Variants in NKAIN3 observed in about 807,000 individuals in gnomAD.
NKAIN3 encodes sodium/potassium-transporting ATPase subunit beta-1-interacting protein 3.
Under a neutral mutation model 30.2 loss-of-function variants are expected in NKAIN3, and 25 were observed. The ratio of observed to expected loss-of-function variants is 0.83; its 90% CI spans 0.60 to 1.16. The LOEUF (loss-of-function observed/expected upper bound fraction) is 1.16, where lower values mean the gene tolerates loss of function less well. Ranked by LOEUF, NKAIN3 falls within the 50% of genes most tolerant of loss-of-function variation. The pLI is 0.00. For synonymous variants in NKAIN3, 91 were observed against 89.6 expected (o/e 1.02, Z -0.09); for missense variants, 225 against 254.1 (o/e 0.89, Z 0.78).
chr8:62,394,912 G>T (rs1817695129), intron 1 of NKAIN3, among the ~76,000 whole-genome samples: 1 of 147,980 alleles, frequency 6.8e-6, no homozygotes, highest in Non-Finnish European at 1.5e-5. Flanking sequence ...GCGGCGGCTG[G>T]ACAGAGGCGC....
chr8:62,299,337 A>G (rs1327487151), intron 1 of NKAIN3, among the ~76,000 whole-genome samples: 1 of 152,108 alleles, frequency 6.6e-6, no homozygotes, highest in African/African-American at 2.4e-5. Context: ...AGATGAAAGC[A>G]CTGTCATGGG....
intron 6 of NKAIN3, among the ~76,000 whole-genome samples, chr8:62,963,675 A>G (rs1156848837): frequency 3.3e-5 from 5 of 152,178 alleles, no homozygotes; most frequent in African/African-American, 1.2e-4. Context: ...TTTAGTTTAA[A>G]TCCCTGTTAA....
At chr8:62,918,665 A>C (rs1250531381) in intron 5 of NKAIN3, among the ~76,000 whole-genome samples, 152 bp downstream of exon 5, 3 of 152,220 alleles carry the variant, frequency 2.0e-5, no homozygotes, top group Non-Finnish European at 2.9e-5. Flanking sequence ...AAAAGTTGAC[A>C]GACTGAATTG....
chr8:62,453,293 A>G (rs1805709173), intron 1 of NKAIN3, among the ~76,000 whole-genome samples: 3 of 152,208 alleles, frequency 2.0e-5, no homozygotes. Flanking sequence ...CTGGGTAAAC[A>G]ATGAAATTAA....
At chr8:62,488,797 G>T (rs2129601450) in intron 1 of NKAIN3, among the ~76,000 whole-genome samples, 1 of 152,248 alleles carries the variant, frequency 6.6e-6, no homozygotes, top group African/African-American at 2.4e-5. Context: ...AGATGCTGAG[G>T]AATAACTGTG....
At chr8:62,684,506 C>T (rs1314245167) in intron 3 of NKAIN3, among the ~76,000 whole-genome samples, 1 of 152,142 alleles carries the variant, frequency 6.6e-6, no homozygotes, top group African/African-American at 2.4e-5. Context: ...GGATGTAAAG[C>T]CATGCTGCTG....
intron 3 of NKAIN3, among the ~76,000 whole-genome samples, chr8:62,740,176 A>C (rs1471286186): frequency 6.6e-6 from 1 of 152,206 alleles, no homozygotes; most frequent in South Asian, 2.1e-4. Context: ...AATTAGAAAA[A>C]TAAGACATTT....
intron 1 of NKAIN3, among the ~76,000 whole-genome samples, chr8:62,577,060 GT>G (rs1810134173): frequency 6.6e-6 from 1 of 152,030 alleles, no homozygotes; most frequent in Non-Finnish European, 1.5e-5. Context: ...AAGGCTTGTT[GT>G]TTTTAGTTAC....
At chr8:62,783,844 C>T (rs897007724) in intron 4 of NKAIN3, among the ~76,000 whole-genome samples, 1 of 151,754 alleles carries the variant, frequency 6.6e-6, no homozygotes, top group Non-Finnish European at 1.5e-5. Context: ...TTTGTTTCAC[C>T]ATGTTGCCCA....
chr8:62,627,503 T>G (rs1811827922), intron 3 of NKAIN3, among the ~76,000 whole-genome samples: 1 of 152,056 alleles, frequency 6.6e-6, no homozygotes, highest in South Asian at 2.1e-4. Context: ...CATGAGGTAC[T>G]CTGGAGCTGG....
At chr8:62,728,601 G>A (rs7825429) in intron 3 of NKAIN3, among the ~76,000 whole-genome samples, 4,517 of 152,018 alleles carry the variant, frequency 0.03, 240 homozygotes, top group African/African-American at 0.1. Flanking sequence ...GGAGGCGGAG[G>A]TTGCCTTGAG....
rs1018143181 is a variant in NKAIN3 at position 62,976,352 on chromosome 8, A to C, written c.*10945A>C. On this transcript the variant is annotated 3_prime_UTR_variant, in exon 7 of 7. Transcript: ENST00000623646. The stretch of plus-strand genomic sequence containing the variant: ...TTGTAGGTCTCTAAGAACTTGCTTT[A>C]TGAATCTGGGTGCTCCACTATTAGG... Among the ~76,000 whole-genome samples, 1 of 152,108 alleles carries C rather than the reference A, an allele frequency of 6.6e-6. No homozygotes were observed. The highest frequency in any genetic ancestry group is 6.5e-5 in the Admixed American group (1 of 15,278).
At chr8:62,289,930 T>C (rs1813528480) in intron 1 of NKAIN3, among the ~76,000 whole-genome samples, 1 of 152,208 alleles carries the variant, frequency 6.6e-6, no homozygotes, top group African/African-American at 2.4e-5. Flanking sequence ...AGCAGTGGTT[T>C]ATAGTTCCCC....
At chr8:62,367,733 T>TATTATGG (rs1816781317) in intron 1 of NKAIN3, among the ~76,000 whole-genome samples, 1 of 152,134 alleles carries the variant, frequency 6.6e-6, no homozygotes, top group Non-Finnish European at 1.5e-5. Flanking sequence ...CTGGAAGTCC[T>TATTATGG]AATCAGAGCA....
intron 2 of NKAIN3, among the ~76,000 whole-genome samples, chr8:62,582,235 T>C (rs986453094): frequency 1.3e-5 from 2 of 151,972 alleles, no homozygotes; most frequent in African/African-American, 2.4e-5. Flanking sequence ...CTTCTACTTA[T>C]TAATTCAAGA....
chr8:62,291,721 G>T (rs564721493), intron 1 of NKAIN3, among the ~76,000 whole-genome samples: 10 of 152,264 alleles, frequency 6.6e-5, no homozygotes, highest in East Asian at 1.9e-4. Context: ...CTGTTGATTT[G>T]GGGTGGAGAG....
intron 1 of NKAIN3, among the ~76,000 whole-genome samples, chr8:62,418,602 G>A (rs139990770): frequency 1.1e-3 from 174 of 152,158 alleles, no homozygotes; most frequent in African/African-American, 4.1e-3. Flanking sequence ...TGGTCTGAGT[G>A]GCTTGTCTCA....
intron 1 of NKAIN3, among the ~76,000 whole-genome samples, chr8:62,488,462 C>T (rs1227700162): frequency 6.6e-6 from 1 of 152,182 alleles, no homozygotes. Context: ...GCAGCAAGCT[C>T]TTTGACAGCT....
intron 3 of NKAIN3, among the ~76,000 whole-genome samples, chr8:62,715,809 C>T (rs1194323226): frequency 6.6e-6 from 1 of 152,100 alleles, no homozygotes; most frequent in Non-Finnish European, 1.5e-5. Flanking sequence ...AATAGGTTTA[C>T]CCTTAGACCA....
Sources: allele counts gnomAD v4.1 joint callset (sites outside exome capture counted in the v4.1 genomes callset), GRCh38; gene constraint gnomAD v4.1.1; transcripts MANE v1.5; gene names NCBI Gene and HGNC (gene_info 2026-07-23, HGNC 2026-07-21).